The following MSN variants were observed in gnomAD, a reference collection of about 807,000 sequenced individuals.
The protein encoded by MSN is epididymis luminal protein 70.
A neutral mutation model predicts 48.0 loss-of-function variants in MSN; 2 were observed. That is an observed-to-expected ratio of 0.04 (90% CI 0.02 to 0.13). The LOEUF (loss-of-function observed/expected upper bound fraction) is 0.13. MSN is among the 10% of genes least tolerant of loss of function. The pLI, the probability that MSN is intolerant of heterozygous loss-of-function variation, is 1.00. For synonymous variants in MSN, 146 were observed against 166.9 expected, an observed-to-expected ratio of 0.87 and a Z score of 0.97; for missense variants, 267 against 470.1, an observed-to-expected ratio of 0.57 and a Z score of 3.99.
At chrX:65,710,572 T>C (rs978219546) in intron 1 of MSN, among the ~76,000 whole-genome samples, 3 of 111,689 alleles carry the variant, frequency 2.7e-5, no homozygotes, top group Non-Finnish European at 5.6e-5. Context: ...CAAATAAAAA[T>C]AAAAATAAAA....
At chrX:65,647,895 C>G (rs995526417) in intron 1 of MSN, among the ~76,000 whole-genome samples, 34 of 111,845 alleles carry the variant, frequency 3.0e-4, no homozygotes, top group Middle Eastern at 4.6e-3. Context: ...GGTTTTTAAG[C>G]TGGAGAATGA....
intron 1 of MSN, among the ~76,000 whole-genome samples, chrX:65,670,899 TATATATATATATATATATATA>T (rs2070928881): frequency 3.4e-3 from 2 of 584 alleles, no homozygotes; most frequent in Admixed American, 0.013. Context: ...ATGACAGTTA[TATATATATATATATATATATA>T]TATATATATA....
intron 7 of MSN, 126 bp from the exon 8 acceptor site, chrX:65,735,141 C>T (rs2071662350): frequency 5.3e-6 from 4 of 754,783 alleles, no homozygotes; most frequent in Non-Finnish European, 7.7e-6. Context: ...ATTAGTCTTC[C>T]CATCTGTAGT....
intron 1 of MSN, among the ~76,000 whole-genome samples, chrX:65,605,028 A>G (rs576796337): frequency 8.9e-6 from 1 of 112,566 alleles, no homozygotes; most frequent in Middle Eastern, 4.6e-3. Context: ...TTACAATCCT[A>G]TTAAAGATGC....
chrX:65,633,917 A>G (rs2070578237), intron 1 of MSN, among the ~76,000 whole-genome samples: 1 of 111,884 alleles, frequency 8.9e-6, no homozygotes, highest in Non-Finnish European at 1.9e-5. Context: ...AATGTCACAC[A>G]TCAGTTCAAG....
chrX:65,600,205 A>G (rs2070223015), intron 1 of MSN, among the ~76,000 whole-genome samples: 1 of 111,047 alleles, frequency 9.0e-6, no homozygotes, highest in African/African-American at 3.3e-5. Context: ...GTCTTTTCCT[A>G]GCTTATGATT....
At chrX:65,733,342 A>G (rs2071642272) in intron 7 of MSN, 62 bp downstream of exon 7, 4 of 896,797 alleles carry the variant, frequency 4.5e-6, no homozygotes, top group Non-Finnish European at 6.5e-6. Flanking sequence ...ATGAGCAATC[A>G]TGCTATTCTA....
rs749180181 is a variant in MSN at position 65,727,758 on chromosome X, C to T, written c.97-56C>T. ...GACTTCAAACTTTGTGTCCTCTGTG[C>T]CTCACACAGAGGAAGTATTCAATCA... On this transcript the variant is annotated intron_variant, in intron 2 of 12. Coordinates refer to ENST00000360270, the MANE Select transcript of MSN (RefSeq NM_002444.3). 210 of 988,827 alleles carry T rather than the reference C, an allele frequency of 2.1e-4. 2 individuals are homozygous for T. The East Asian group carries it at 6.4e-3, about 30-fold the overall frequency. The allele number at this position is 988,827 out of a possible 1,213,427, so 81.5% of individuals were successfully genotyped here.
intron 1 of MSN, among the ~76,000 whole-genome samples, chrX:65,641,446 C>T (rs1458635090): frequency 6.1e-5 from 6 of 98,146 alleles, no homozygotes; most frequent in African/African-American, 2.2e-4. Flanking sequence ...AGGAGAATCA[C>T]TTGAGCCTGG....
chrX:65,614,715 T>A (rs867289380), intron 1 of MSN, among the ~76,000 whole-genome samples: 15 of 100,403 alleles, frequency 1.5e-4, no homozygotes, highest in African/African-American at 4.7e-4. Flanking sequence ...TTTTTTTTTT[T>A]AATTATACTT....
intron 2 of MSN, among the ~76,000 whole-genome samples, chrX:65,722,769 G>C (rs1436366258): frequency 9.1e-6 from 1 of 110,280 alleles, no homozygotes; most frequent in African/African-American, 3.3e-5. Context: ...TGTTTACTCA[G>C]ATAAATGCAT....
intron 1 of MSN, chrX:65,716,598 T>C (rs2071468494): frequency 2.3e-6 from 1 of 444,014 alleles, no homozygotes; most frequent in South Asian, 2.9e-5. Context: ...TGTTCTTTGG[T>C]AAGTATTGCT....
In MSN at chrX:65,734,092, T is replaced by C. The variant is rs996602291; in HGVS notation, c.795+812T>C. On this transcript the variant is annotated intron_variant, in intron 7 of 12. Coordinates refer to ENST00000360270, the MANE Select transcript of MSN (RefSeq NM_002444.3). ...CCAGAGCAATCCAAGACCAAAAAAGTGCTTTAAGTTCATTCATTTCTCTAA... is the reference window on the plus strand; with the variant it reads ...CCAGAGCAATCCAAGACCAAAAAAGCGCTTTAAGTTCATTCATTTCTCTAA... Among the ~76,000 whole-genome samples the C allele has an allele frequency of 3.6e-5, 4 of 112,012 alleles. No homozygotes were observed. In the South Asian group the frequency reaches 1.5e-3, roughly 41 times the overall value.
intron 1 of MSN, among the ~76,000 whole-genome samples, chrX:65,696,225 T>TCACACACACACACACACACACACA (rs111720807): frequency 2.0e-5 from 2 of 102,264 alleles, no homozygotes; most frequent in Admixed American, 1.0e-4. Flanking sequence ...GCTTGCTCAT[T>TCACACACACACACACACACACACA]CACACACACA....
intron 1 of MSN, among the ~76,000 whole-genome samples, chrX:65,683,087 T>G (rs2071073440): frequency 8.9e-6 from 1 of 112,926 alleles, no homozygotes; most frequent in South Asian, 3.6e-4. Flanking sequence ...ATGCAAACAT[T>G]TCTGTCCACC....
At chrX:65,705,135 GCCTA>G (rs1178051028) in intron 1 of MSN, among the ~76,000 whole-genome samples, 1 of 111,155 alleles carries the variant, frequency 9.0e-6, no homozygotes, top group African/African-American at 3.3e-5. Flanking sequence ...CTGGGCCAGT[GCCTA>G]CCTTTCTTTG....
chrX:65,705,587 A>G (rs955530062), intron 1 of MSN, among the ~76,000 whole-genome samples: 3 of 112,438 alleles, frequency 2.7e-5, no homozygotes, highest in Non-Finnish European at 5.6e-5. Context: ...GGATTAACGA[A>G]GAAACTAACT....
intron 1 of MSN, among the ~76,000 whole-genome samples, chrX:65,611,954 AC>A (rs1285612815): frequency 8.9e-6 from 1 of 112,151 alleles, no homozygotes. Context: ...TTTCCTAATG[AC>A]TAAAAATGTT....
At chrX:65,588,915 T>C in intron 1 of MSN, 1 of 137,984 alleles carries the variant, frequency 7.2e-6, no homozygotes, top group Non-Finnish European at 1.5e-5. Flanking sequence ...CAAAGCAATT[T>C]TAGGGTGCCC....
Sources: allele counts gnomAD v4.1 joint callset (sites outside exome capture counted in the v4.1 genomes callset), GRCh38; gene constraint gnomAD v4.1.1; transcripts MANE v1.5; gene names NCBI Gene and HGNC (gene_info 2026-07-23, HGNC 2026-07-21).